ARHGAP22: variants seen among roughly 807,000 people sequenced by gnomAD.
ARHGAP22 encodes rho GTPase-activating protein 22.
Under a neutral mutation model 59.1 loss-of-function variants are expected in ARHGAP22, and 48 were observed. The observed-to-expected ratio is 0.81, with a 90% CI of 0.64 to 1.03. ARHGAP22 has a LOEUF of 1.03. ARHGAP22 is among the 50% of genes least tolerant of loss of function. The probability of loss-of-function intolerance (pLI) is 0.00; values close to 1 mark genes in which losing one functional copy is unlikely to be tolerated. For synonymous variants in ARHGAP22, 445 were observed against 416.4 expected, an observed-to-expected ratio of 1.07 and a Z score of -0.84; for missense variants, 1,015 against 958.7, an observed-to-expected ratio of 1.06 and a Z score of -0.78.
chr10:48,602,654 T>G (rs1275711272), intron 1 of ARHGAP22, among the ~76,000 whole-genome samples: 1 of 152,132 alleles, frequency 6.6e-6, no homozygotes, highest in African/African-American at 2.4e-5. Flanking sequence ...AAAACACAGG[T>G]TGAGTGTCCA....
intron 3 of ARHGAP22, among the ~76,000 whole-genome samples, chr10:48,518,227 G>C (rs66695288): frequency 0.19 from 29,140 of 152,046 alleles, 3,014 homozygotes; most frequent in Non-Finnish European, 0.24. Flanking sequence ...CCAGGCCTCA[G>C]ATCTGTCCAC....
intron 3 of ARHGAP22, among the ~76,000 whole-genome samples, chr10:48,515,947 GAC>G (rs1373202718): frequency 3.3e-5 from 5 of 151,744 alleles, no homozygotes; most frequent in Non-Finnish European, 5.9e-5. Context: ...CCAGGAGTTA[GAC>G]GCAGCAGTGA....
At chr10:48,479,867 T>C in intron 3 of ARHGAP22, 103 bp from the exon 4 acceptor site, 2 of 1,194,040 alleles carry the variant, frequency 1.7e-6, no homozygotes, top group Non-Finnish European at 2.3e-6. Context: ...ATTCCCAAAG[T>C]CCTTCCAGCA....
intron 3 of ARHGAP22, among the ~76,000 whole-genome samples, chr10:48,501,549 T>C (rs59675349): frequency 0.029 from 4,473 of 152,274 alleles, 237 homozygotes; most frequent in African/African-American, 0.1. Context: ...TAGAAGTAGA[T>C]TTTGGTTTTG....
intron 1 of ARHGAP22, among the ~76,000 whole-genome samples, chr10:48,627,859 C>T (rs1347479695): frequency 2.0e-5 from 3 of 152,138 alleles, no homozygotes; most frequent in Non-Finnish European, 1.5e-5. Context: ...CTCTATTGGA[C>T]AAGCTATGGG....
At chr10:48,577,865 T>C (rs1201992445) in intron 2 of ARHGAP22, among the ~76,000 whole-genome samples, 9 of 131,508 alleles carry the variant, frequency 6.8e-5, no homozygotes, top group Non-Finnish European at 1.1e-4. Flanking sequence ...CAGGCTGAAG[T>C]GCAGTAGCGC....
At chr10:48,453,558 T>C in intron 7 of ARHGAP22, 133 bp from the exon 8 acceptor site, 2 of 1,353,082 alleles carry the variant, frequency 1.5e-6, no homozygotes, top group Non-Finnish European at 2.0e-6. Context: ...GGGTGTAGCC[T>C]GCCTCTGCCA....
At chr10:48,524,172 G>A in intron 3 of ARHGAP22, 4 of 1,133,276 alleles carry the variant, frequency 3.5e-6, no homozygotes, top group Non-Finnish European at 4.3e-6. Flanking sequence ...GGGGCGGCGC[G>A]GCCGAGGTCC....
intron 3 of ARHGAP22, among the ~76,000 whole-genome samples, chr10:48,551,732 G>C (rs2135270340): frequency 6.6e-6 from 1 of 152,360 alleles, no homozygotes; most frequent in East Asian, 1.9e-4. Context: ...CCCCTTATAA[G>C]AGTGTTTTCT....
At chr10:48,625,151 G>C (rs1256593230) in intron 1 of ARHGAP22, 2 of 152,144 alleles carry the variant, frequency 1.3e-5, no homozygotes, top group Admixed American at 1.3e-4. Context: ...TCCTCATATG[G>C]AAAATAGGGA....
intron 8 of ARHGAP22, chr10:48,451,369 CAAGCAGGGAGG>C (rs1333000411): frequency 4.1e-6 from 3 of 725,268 alleles, no homozygotes; most frequent in Non-Finnish European, 7.4e-6. Flanking sequence ...CACAGAGCCG[CAAGCAGGGAGG>C]AAGCACTGTG....
chr10:48,466,088 C>G (rs540921795), intron 4 of ARHGAP22, among the ~76,000 whole-genome samples: 255 of 152,210 alleles, frequency 1.7e-3, no homozygotes, highest in African/African-American at 5.8e-3. Flanking sequence ...CTAAGCTCAC[C>G]TGGAAGGGTC....
chr10:48,590,176 T>G (rs2059663663), intron 1 of ARHGAP22, among the ~76,000 whole-genome samples: 1 of 151,750 alleles, frequency 6.6e-6, no homozygotes, highest in Non-Finnish European at 1.5e-5. Flanking sequence ...GAGAACTCTT[T>G]CAGGAATGTT....
At position 48,553,982 on chromosome 10, in the gene ARHGAP22, T is replaced by A. The variant is rs574967602; in HGVS notation, c.322+1481A>T. ...GGCCCTGCCTACGTCACTACTTGCATTTCTTCTCTATCTGAATAGCTGAGG... is the reference window on the plus strand; with the variant it reads ...GGCCCTGCCTACGTCACTACTTGCAATTCTTCTCTATCTGAATAGCTGAGG... On this transcript the variant is annotated intron_variant, in intron 3 of 9. Coordinates refer to ENST00000249601, the MANE Select transcript of ARHGAP22 (RefSeq NM_021226.4). Among the ~76,000 whole-genome samples the A allele has an allele frequency of 2.0e-3, 300 of 152,304 alleles. 3 individuals carry two copies. Among genetic ancestry groups the A allele is most frequent in the Non-Finnish European group, 2.6e-3 (180 of 68,032 alleles).
intron 9 of ARHGAP22, among the ~76,000 whole-genome samples, chr10:48,448,056 G>A (rs2045539167): frequency 6.6e-6 from 1 of 151,860 alleles, no homozygotes; most frequent in African/African-American, 2.4e-5. Context: ...ATGGCACCCA[G>A]GTGCACCTGT....
At position 48,453,354 on chromosome 10, in the gene ARHGAP22, C is replaced by A. The variant is rs781135419; in HGVS notation, c.938G>T (p.Gly313Val). ...TACCTGTGGCCGCAGAATGTTAGGT[C>A]CAAAAACGGTTGCCAGATTCTGGAC... ...MSVQNLATVF[G>V]PNILRPQVED... The change falls in exon 8 of 10, where the codon GGA becomes GTA. Residue 313 changes from glycine to valine, a missense_variant. By Grantham distance (109) the Gly-to-Val change is moderately radical. Transcript: ENST00000249601. 6.2e-7 allele frequency: 1 copy of A among 1,614,056 alleles called. No homozygotes were observed. Among genetic ancestry groups the A allele is most frequent in the South Asian group, 1.1e-5 (1 of 91,074 alleles).
chr10:48,570,694 A>G (rs965533472), intron 2 of ARHGAP22, among the ~76,000 whole-genome samples: 1 of 152,150 alleles, frequency 6.6e-6, no homozygotes, highest in Non-Finnish European at 1.5e-5. Context: ...CAGACTCTTC[A>G]GGGCTTCTCA....
chr10:48,572,006 G>C (rs1314397552), intron 2 of ARHGAP22, among the ~76,000 whole-genome samples: 2 of 152,150 alleles, frequency 1.3e-5, no homozygotes, highest in Non-Finnish European at 2.9e-5. Context: ...TGGCCAAGGG[G>C]AACCTAGGGA....
chr10:48,582,026 T>G (rs555550006), intron 2 of ARHGAP22, among the ~76,000 whole-genome samples: 1 of 152,318 alleles, frequency 6.6e-6, no homozygotes, highest in African/African-American at 2.4e-5. Context: ...CTTGACATGC[T>G]TAGAAGAACT....
Sources: gnomAD v4.1 joint callset for allele counts (sites outside exome capture counted in the v4.1 genomes callset) on GRCh38, gnomAD v4.1.1 for gene constraint, MANE v1.5 for transcripts, NCBI Gene and HGNC (gene_info 2026-07-23, HGNC 2026-07-21) for gene names.